Variants in DLGAP2 observed in about 807,000 individuals in gnomAD.
The protein encoded by DLGAP2 is disks large-associated protein 2.
DLGAP2 carries 26 observed loss-of-function variants against 100.3 expected under a neutral mutation model. That is an observed-to-expected ratio of 0.26 (90% CI 0.19 to 0.36). The LOEUF is 0.36. Among genes scored for constraint, DLGAP2 ranks in the 10% least tolerant of loss-of-function variants. DLGAP2 has a pLI of 1.00. For missense variants in DLGAP2, 1,858 were observed against 1,453.2 expected, an observed-to-expected ratio of 1.28 and a Z score of -4.53; for synonymous variants, 886 against 630.1, an observed-to-expected ratio of 1.41 and a Z score of -6.08.
At chr8:974,825 T>A (rs539775330) in intron 2 of DLGAP2, among the ~76,000 whole-genome samples, 45 of 152,260 alleles carry the variant, frequency 3.0e-4, no homozygotes, top group Non-Finnish European at 5.6e-4. Flanking sequence ...TCATCTAAAC[T>A]TCTTCTTTAA....
At chr8:1,189,853 G>A (rs761360362) in intron 2 of DLGAP2, among the ~76,000 whole-genome samples, 2 of 152,224 alleles carry the variant, frequency 1.3e-5, no homozygotes, top group Admixed American at 6.5e-5. Flanking sequence ...CAGCAGGCAG[G>A]AGGCGGAGAT....
intron 2 of DLGAP2, among the ~76,000 whole-genome samples, chr8:1,196,607 A>C (rs148584858): frequency 6.6e-6 from 1 of 152,354 alleles, no homozygotes. Context: ...ACTTGTGCAG[A>C]GGCATCTGCA....
intron 2 of DLGAP2, among the ~76,000 whole-genome samples, chr8:1,183,476 G>A (rs1417293723): frequency 6.6e-6 from 1 of 152,202 alleles, no homozygotes; most frequent in Non-Finnish European, 1.5e-5. Context: ...CATTGCAAAT[G>A]TTTACTTGTC....
At chr8:1,373,449 C>T (rs1802301991) in intron 3 of DLGAP2, among the ~76,000 whole-genome samples, 1 of 152,182 alleles carries the variant, frequency 6.6e-6, no homozygotes, top group Non-Finnish European at 1.5e-5. Context: ...GACAGAGAGC[C>T]GTGTCGGCCG....
chr8:1,536,849 G>C (rs1801169172), intron 4 of DLGAP2, among the ~76,000 whole-genome samples: 1 of 152,084 alleles, frequency 6.6e-6, no homozygotes, highest in Admixed American at 6.5e-5. Context: ...CTCCCTGTAG[G>C]AGGCGCTGGC....
chr8:1,329,295 G>A (rs1235414183), intron 3 of DLGAP2, among the ~76,000 whole-genome samples: 1 of 152,192 alleles, frequency 6.6e-6, no homozygotes, highest in Non-Finnish European at 1.5e-5. Context: ...TCGCACAAGT[G>A]CACCAGAGAG....
Position 1,390,199 on chromosome 8 carries a change from T to G in DLGAP2, c.107-111167T>G, listed in dbSNP as rs79867751. On this transcript the variant is annotated intron_variant, in intron 3 of 14. Transcript: ENST00000637795. ...AGATGTAAACCAAACGACTCTGGAATGATCTCTGCCATAGTAATCATGTTG... is the reference window on the plus strand; with the variant it reads ...AGATGTAAACCAAACGACTCTGGAAGGATCTCTGCCATAGTAATCATGTTG... 9.3e-3 allele frequency among the ~76,000 whole-genome samples: 1,412 copies of G among 152,256 alleles called. 24 individuals carry two copies. Among genetic ancestry groups the G allele is most frequent in the African/African-American group, 0.032 (1,328 of 41,560 alleles).
chr8:1,243,098 CTGCT>C (rs1296478255), intron 2 of DLGAP2, among the ~76,000 whole-genome samples: 1 of 152,176 alleles, frequency 6.6e-6, no homozygotes, highest in Admixed American at 6.5e-5. Flanking sequence ...TTTTTCCTGA[CTGCT>C]TGAATATTTG....
chr8:1,419,307 T>C (rs1797027429), intron 3 of DLGAP2, among the ~76,000 whole-genome samples: 2 of 124,876 alleles, frequency 1.6e-5, no homozygotes, highest in Non-Finnish European at 3.3e-5. Flanking sequence ...TGGGATACTA[T>C]GTTACACTCT....
intron 6 of DLGAP2, among the ~76,000 whole-genome samples, chr8:1,570,768 G>T (rs892021835): frequency 1.3e-5 from 2 of 149,162 alleles, no homozygotes; most frequent in Non-Finnish European, 3.0e-5. Flanking sequence ...GGGGTGAACT[G>T]CGGGGGTGTC....
intron 2 of DLGAP2, among the ~76,000 whole-genome samples, chr8:1,142,431 C>T (rs958540257): frequency 1.3e-5 from 2 of 152,262 alleles, no homozygotes; most frequent in African/African-American, 2.4e-5. Context: ...ATGCAGTGTT[C>T]GCACACAGAG....
chr8:927,363 G>A (rs897969659), intron 2 of DLGAP2, among the ~76,000 whole-genome samples: 1 of 152,158 alleles, frequency 6.6e-6, no homozygotes, highest in Non-Finnish European at 1.5e-5. Context: ...AGCACTTTGT[G>A]GGGGTGTGTT....
chr8:1,392,158 GA>G (rs1204797494), intron 3 of DLGAP2, among the ~76,000 whole-genome samples: 1 of 152,192 alleles, frequency 6.6e-6, no homozygotes, highest in African/African-American at 2.4e-5. Context: ...GGTGGGCCTA[GA>G]AAACAAGACC....
Position 1,549,452 on chromosome 8 carries a change from C to G in DLGAP2, c.999C>G (p.Ser333Arg). 1.2e-6 allele frequency: 2 copies of G among 1,613,472 alleles called. No individual in the cohort carries two copies. Among genetic ancestry groups the G allele is most frequent in the Non-Finnish European group, 1.7e-6 (2 of 1,179,776 alleles). Reference sequence around the variant, plus strand: ...ACTGCTACCCCGACGCGCTGCAGAGCCCCTTCGGGGACCTGTCCCTCAAGA... The same window carrying G: ...ACTGCTACCCCGACGCGCTGCAGAGGCCCTTCGGGGACCTGTCCCTCAAGA... ...VAHCYPDALQ[S>R]PFGDLSLKTS... Residue 333 changes from serine (S) to arginine (R), a missense_variant, in exon 5 of 15, where the codon AGC becomes AGG. Ser to Arg is a moderately radical substitution (Grantham distance 110). Coordinates refer to ENST00000637795, the MANE Select transcript of DLGAP2 (RefSeq NM_001346810.2).
chr8:1,562,758 T>C (rs370143286), intron 5 of DLGAP2, among the ~76,000 whole-genome samples: 5 of 12,646 alleles, frequency 4.0e-4, no homozygotes, highest in Admixed American at 1.7e-3. Context: ...TTGGGGTGTC[T>C]GCGCCTCGTT....
intron 3 of DLGAP2, among the ~76,000 whole-genome samples, chr8:1,311,488 C>T (rs1024285446): frequency 6.6e-6 from 1 of 152,292 alleles, no homozygotes; most frequent in South Asian, 2.1e-4. Flanking sequence ...GAGAAAATCA[C>T]AAACCATATC....
chr8:741,313 A>G (rs1820476974), intron 1 of DLGAP2, among the ~76,000 whole-genome samples: 1 of 152,214 alleles, frequency 6.6e-6, no homozygotes, highest in African/African-American at 2.4e-5. Context: ...AAGGCTTAAC[A>G]GCAGTAACAA....
chr8:1,674,055 T>C (rs1798753712), intron 10 of DLGAP2, among the ~76,000 whole-genome samples: 1 of 152,180 alleles, frequency 6.6e-6, no homozygotes. Flanking sequence ...TTTAGAACCA[T>C]CTTTATTTTT....
At chr8:1,592,378 T>G (rs1168442604) in intron 6 of DLGAP2, among the ~76,000 whole-genome samples, 1 of 152,170 alleles carries the variant, frequency 6.6e-6, no homozygotes, top group Non-Finnish European at 1.5e-5. Context: ...ATCTTTATAT[T>G]GACGATTGGC....
Sources: gnomAD v4.1 joint callset for allele counts (sites outside exome capture counted in the v4.1 genomes callset) on GRCh38, gnomAD v4.1.1 for gene constraint, MANE v1.5 for transcripts, NCBI Gene and HGNC (gene_info 2026-07-23, HGNC 2026-07-21) for gene names.